LSAMP: variants seen among roughly 807,000 people sequenced by gnomAD.
LSAMP encodes the protein limbic system associated membrane protein.
Under a neutral mutation model 38.6 loss-of-function variants are expected in LSAMP, and 7 were observed. That is an observed-to-expected ratio of 0.18 (90% CI 0.10 to 0.34). The LOEUF (loss-of-function observed/expected upper bound fraction) is 0.34, where lower values mean the gene tolerates loss of function less well. Ranked by LOEUF, LSAMP falls within the 10% of genes least tolerant of loss-of-function variation. The probability of loss-of-function intolerance (pLI) is 1.00; values close to 1 mark genes in which losing one functional copy is unlikely to be tolerated. For synonymous variants in LSAMP, 154 were observed against 166.8 expected (o/e 0.92, Z 0.59); for missense variants, 313 against 420.0 (o/e 0.75, Z 2.23).
intron 1 of LSAMP, among the ~76,000 whole-genome samples, chr3:116,185,554 C>T (rs1401515992): frequency 6.6e-6 from 1 of 152,014 alleles, no homozygotes. Context: ...TACTCTCCTT[C>T]ATGTACAAGA....
At chr3:115,908,031 A>G (rs1035757123) in intron 3 of LSAMP, among the ~76,000 whole-genome samples, 2 of 151,990 alleles carry the variant, frequency 1.3e-5, no homozygotes, top group Admixed American at 1.3e-4. Context: ...TCATGGGGAG[A>G]TTTGAGCCCA....
chr3:116,092,418 C>T (rs1708144498), intron 1 of LSAMP, among the ~76,000 whole-genome samples: 1 of 151,992 alleles, frequency 6.6e-6, no homozygotes, highest in South Asian at 2.1e-4. Context: ...AAAAGTATAA[C>T]ATCCTAAATA....
intron 1 of LSAMP, among the ~76,000 whole-genome samples, chr3:116,165,281 C>T (rs1439151639): frequency 6.6e-6 from 1 of 151,928 alleles, no homozygotes. Context: ...CAGTTGTGCC[C>T]CCATCATTGC....
intron 1 of LSAMP, among the ~76,000 whole-genome samples, chr3:116,325,440 G>A (rs1349109161): frequency 6.6e-6 from 1 of 152,118 alleles, no homozygotes; most frequent in Non-Finnish European, 1.5e-5. Flanking sequence ...TAAATGACAA[G>A]GTAAGGAGAG....
intron 1 of LSAMP, among the ~76,000 whole-genome samples, chr3:116,162,779 A>ACAC (rs1362977645): frequency 3.3e-5 from 5 of 151,444 alleles, no homozygotes; most frequent in Admixed American, 2.0e-4. Context: ...ACACACACAC[A>ACAC]CACACACACA....
intron 1 of LSAMP, among the ~76,000 whole-genome samples, chr3:116,338,168 T>A (rs985108000): frequency 6.6e-6 from 1 of 152,036 alleles, no homozygotes; most frequent in African/African-American, 2.4e-5. Flanking sequence ...CGTCACCTTT[T>A]ATCCTCCTCT....
At chr3:116,369,622 G>A (rs2048403403) in intron 1 of LSAMP, among the ~76,000 whole-genome samples, 1 of 152,098 alleles carries the variant, frequency 6.6e-6, no homozygotes, top group Non-Finnish European at 1.5e-5. Flanking sequence ...AAAATTAGAG[G>A]TGTTAGTGAA....
intron 3 of LSAMP, among the ~76,000 whole-genome samples, chr3:115,990,659 G>A (rs1379695839): frequency 6.6e-6 from 1 of 152,002 alleles, no homozygotes; most frequent in Non-Finnish European, 1.5e-5. Context: ...TACTGTCATT[G>A]AATGATATCG....
intron 1 of LSAMP, among the ~76,000 whole-genome samples, chr3:116,093,787 A>C (rs1400568613): frequency 6.6e-6 from 1 of 152,178 alleles, no homozygotes; most frequent in Non-Finnish European, 1.5e-5. Context: ...GAAAGATTCA[A>C]GATGTGGATG....
At chr3:116,366,252 C>T (rs146900322) in intron 1 of LSAMP, among the ~76,000 whole-genome samples, 63 of 152,042 alleles carry the variant, frequency 4.1e-4, no homozygotes, top group Middle Eastern at 6.8e-3. Flanking sequence ...ATGTGGCCAA[C>T]AAACATAGGA....
intron 6 of LSAMP, among the ~76,000 whole-genome samples, chr3:115,817,059 T>A (rs890058495): frequency 9.9e-5 from 15 of 152,216 alleles, no homozygotes; most frequent in Admixed American, 4.6e-4. Context: ...CTGCTCTTCT[T>A]CCAACAGATC....
At chr3:116,119,282 G>A (rs1276271364) in intron 1 of LSAMP, among the ~76,000 whole-genome samples, 2 of 151,494 alleles carry the variant, frequency 1.3e-5, no homozygotes, top group East Asian at 1.9e-4. Flanking sequence ...TCTTCCAGTG[G>A]CAACTAGATT....
chr3:116,434,408 G>C (rs2049319884), intron 1 of LSAMP, among the ~76,000 whole-genome samples: 1 of 152,200 alleles, frequency 6.6e-6, no homozygotes, highest in African/African-American at 2.4e-5. Context: ...TAAATGCAAA[G>C]TTTAAAGTAT....
intron 1 of LSAMP, among the ~76,000 whole-genome samples, chr3:116,243,227 CAGAG>C (rs2046562259): frequency 6.6e-6 from 1 of 152,138 alleles, no homozygotes; most frequent in Admixed American, 6.5e-5. Context: ...GCAAAAAGGA[CAGAG>C]AGAAATATTC....
intron 6 of LSAMP, among the ~76,000 whole-genome samples, chr3:115,818,798 A>ATATATATATATATATATATATATG (rs1465122343): frequency 9.2e-6 from 1 of 108,626 alleles, no homozygotes; most frequent in Non-Finnish European, 2.0e-5. Context: ...TTTTATATAT[A>ATATATATATATATATATATATATG]TATATATATA....
In LSAMP at chr3:116,118,035, C is replaced by T. The variant is rs115344504; in HGVS notation, c.156-31479G>A. Among the ~76,000 whole-genome samples, 1,344 of 152,062 alleles carry T rather than the reference C, an allele frequency of 8.8e-3. 20 individuals are homozygous for T. The highest frequency in any genetic ancestry group is 0.029 in the African/African-American group (1,211 of 41,458). ...AGAGGGAAAATGCTGGCTGCCAATA[C>T]TATGGAGTCTCAGTGGAAAATTAAG... is the stretch of plus-strand genomic sequence containing the variant. On this transcript the variant is annotated intron_variant, in intron 1 of 6. Transcript: ENST00000490035.
intron 3 of LSAMP, among the ~76,000 whole-genome samples, chr3:115,978,200 C>T (rs1218803512): frequency 6.6e-6 from 1 of 152,038 alleles, no homozygotes; most frequent in Non-Finnish European, 1.5e-5. Flanking sequence ...GTAGTTATTT[C>T]CTTCTCATAG....
At chr3:116,375,129 T>C (rs1393398235) in intron 1 of LSAMP, among the ~76,000 whole-genome samples, 1 of 151,964 alleles carries the variant, frequency 6.6e-6, no homozygotes, top group East Asian at 1.9e-4. Flanking sequence ...TTCAAATGCA[T>C]GCTATTTTGT....
chr3:116,406,560 C>T (rs561589078), intron 1 of LSAMP, among the ~76,000 whole-genome samples: 22 of 152,158 alleles, frequency 1.4e-4, no homozygotes, highest in African/African-American at 5.1e-4. Context: ...AAATCAAATA[C>T]TTCCACTTAA....
Sources: allele counts gnomAD v4.1 joint callset (sites outside exome capture counted in the v4.1 genomes callset), GRCh38; gene constraint gnomAD v4.1.1; transcripts MANE v1.5; gene names NCBI Gene and HGNC (gene_info 2026-07-23, HGNC 2026-07-21).